The following TMEM132B variants were observed in gnomAD, a reference collection of about 807,000 sequenced individuals.
TMEM132B encodes the protein transmembrane protein 132B.
TMEM132B carries 18 observed loss-of-function variants against 90.8 expected under a neutral mutation model. That is an observed-to-expected ratio of 0.20 (90% CI 0.14 to 0.29). The LOEUF is 0.29. Ranked by LOEUF, TMEM132B falls within the 10% of genes least tolerant of loss-of-function variation. TMEM132B has a pLI of 1.00. For synonymous variants in TMEM132B, 504 were observed against 523.3 expected, an observed-to-expected ratio of 0.96 and a Z score of 0.50; for missense variants, 1,096 against 1,326.8, an observed-to-expected ratio of 0.83 and a Z score of 2.70.
At chr12:125,620,000 G>A (rs1011750164) in intron 5 of TMEM132B, among the ~76,000 whole-genome samples, 13 of 152,170 alleles carry the variant, frequency 8.5e-5, no homozygotes, top group African/African-American at 2.9e-4. Context: ...TGAGTAGGAG[G>A]TGCTGTCATT....
At chr12:125,301,986 G>A (rs1421142442) in intron 1 of TMEM132B, 1 of 152,248 alleles carries the variant, frequency 6.6e-6, no homozygotes, top group African/African-American at 2.4e-5. Flanking sequence ...TGGATCATGA[G>A]GTCAAAGAGT....
At chr12:125,350,829 A>C (rs916160261) in intron 2 of TMEM132B, among the ~76,000 whole-genome samples, 5 of 152,198 alleles carry the variant, frequency 3.3e-5, no homozygotes, top group African/African-American at 1.2e-4. Context: ...CTTTCTCATA[A>C]ATGCTGTAGG....
chr12:125,484,532 G>A (rs999626911), intron 3 of TMEM132B, among the ~76,000 whole-genome samples: 14 of 152,136 alleles, frequency 9.2e-5, no homozygotes, highest in African/African-American at 3.4e-4. Context: ...GACAGTATGA[G>A]CATATCATTG....
At chr12:125,432,274 C>A (rs1169900628) in intron 3 of TMEM132B, among the ~76,000 whole-genome samples, 1 of 149,284 alleles carries the variant, frequency 6.7e-6, no homozygotes, top group Non-Finnish European at 1.5e-5. Context: ...TGGAACATAA[C>A]CACTGTAATC....
intron 1 of TMEM132B, among the ~76,000 whole-genome samples, chr12:125,318,512 C>T (rs570556534): frequency 1.3e-5 from 2 of 152,216 alleles, no homozygotes; most frequent in African/African-American, 4.8e-5. Flanking sequence ...CGATGCTCTC[C>T]CTTCCCACCC....
chr12:125,593,879 A>G (rs533229234), intron 5 of TMEM132B, among the ~76,000 whole-genome samples: 1 of 152,330 alleles, frequency 6.6e-6, no homozygotes, highest in East Asian at 1.9e-4. Context: ...TGCCACCTCT[A>G]CTATTTTTCT....
chr12:125,414,225 AC>A (rs1879941971), intron 2 of TMEM132B, among the ~76,000 whole-genome samples: 5 of 152,206 alleles, frequency 3.3e-5, no homozygotes, highest in Admixed American at 3.3e-4. Context: ...TACTTTATAT[AC>A]GCTGAATGCT....
At chr12:125,497,427 T>A (rs1882590132) in intron 3 of TMEM132B, among the ~76,000 whole-genome samples, 1 of 152,220 alleles carries the variant, frequency 6.6e-6, no homozygotes, top group Admixed American at 6.5e-5. Context: ...TATGGGGGCT[T>A]TCCTGTCTAC....
intron 1 of TMEM132B, among the ~76,000 whole-genome samples, chr12:125,298,234 A>C (rs1875719218): frequency 1.3e-5 from 2 of 152,130 alleles, no homozygotes; most frequent in African/African-American, 4.8e-5. Context: ...TGGGAGACAG[A>C]GTGAGACCCT....
intron 5 of TMEM132B, among the ~76,000 whole-genome samples, chr12:125,608,851 C>A (rs539928717): frequency 1.4e-4 from 18 of 126,848 alleles, no homozygotes; most frequent in Admixed American, 1.3e-3. Flanking sequence ...TGCTGTGGCA[C>A]CTTTGAAAAA....
At chr12:125,328,855 A>G (rs1326901479) in intron 1 of TMEM132B, among the ~76,000 whole-genome samples, 6 of 151,950 alleles carry the variant, frequency 3.9e-5, no homozygotes, top group African/African-American at 1.5e-4. Flanking sequence ...GCTTTTCTTT[A>G]CTGGAATGGC....
At chr12:125,548,394 C>CT (rs148944219) in intron 4 of TMEM132B, among the ~76,000 whole-genome samples, 11,121 of 152,174 alleles carry the variant, frequency 0.073, 546 homozygotes, top group South Asian at 0.15. Context: ...CACAACTCTA[C>CT]TTTTTTTTAT....
At chr12:125,640,936 A>ACG (rs1399685965) in intron 5 of TMEM132B, among the ~76,000 whole-genome samples, 2 of 122,118 alleles carry the variant, frequency 1.6e-5, no homozygotes, top group African/African-American at 5.2e-5. Context: ...ATAGACACAC[A>ACG]CACACACACA....
chr12:125,592,210 G>A (rs1377163914), intron 5 of TMEM132B, among the ~76,000 whole-genome samples: 2 of 152,168 alleles, frequency 1.3e-5, no homozygotes, highest in African/African-American at 4.8e-5. Flanking sequence ...ATGGCTTCAT[G>A]TTTTCATGCA....
At position 125,459,358 on chromosome 12, in the gene TMEM132B, C is replaced by A. The variant is rs896977130; in HGVS notation, c.1106+43681C>A. On this transcript the variant is annotated intron_variant, in intron 3 of 8. Coordinates refer to ENST00000682704, the MANE Select transcript of TMEM132B (RefSeq NM_001366854.1). The surrounding 1 kb of genome is among the most constrained non-coding windows in gnomAD (Gnocchi z 4.1). ...GTCTAGGGTCTTGCTGACGAGGGCA[C>A]GTTTTCTAAAACTACCGAGAGAACT... is the stretch of plus-strand genomic sequence containing the variant. Among the ~76,000 whole-genome samples, 1 of 152,070 alleles carries A rather than the reference C, an allele frequency of 6.6e-6. No homozygotes were observed. Among genetic ancestry groups the A allele is most frequent in the Non-Finnish European group, 1.5e-5 (1 of 68,028 alleles).
At chr12:125,643,665 G>A (rs1210912465) in intron 5 of TMEM132B, among the ~76,000 whole-genome samples, 4 of 152,128 alleles carry the variant, frequency 2.6e-5, no homozygotes, top group African/African-American at 7.2e-5. Flanking sequence ...CTTGAATAAT[G>A]TGCTTTTTCA....
At chr12:125,259,324 C>G (rs373900952) in intron 1 of TMEM132B, among the ~76,000 whole-genome samples, 8 of 152,204 alleles carry the variant, frequency 5.3e-5, no homozygotes, top group Non-Finnish European at 8.8e-5. Context: ...CGATAAAATT[C>G]GTTGAATGAA....
At chr12:125,357,771 G>A (rs1415662234) in intron 2 of TMEM132B, among the ~76,000 whole-genome samples, 1 of 152,194 alleles carries the variant, frequency 6.6e-6, no homozygotes, top group African/African-American at 2.4e-5. Context: ...TCTCCCTCCA[G>A]GACTTGATGT....
At chr12:125,647,794 C>T (rs1395667031) in intron 6 of TMEM132B, among the ~76,000 whole-genome samples, 3 of 151,692 alleles carry the variant, frequency 2.0e-5, no homozygotes, top group Non-Finnish European at 4.4e-5. Context: ...CTTTCCTTCG[C>T]ATCAATTTTT....
Sources: allele counts gnomAD v4.1 joint callset (sites outside exome capture counted in the v4.1 genomes callset), GRCh38; gene constraint gnomAD v4.1.1; non-coding constraint Gnocchi (gnomAD v3.1); transcripts MANE v1.5; gene names NCBI Gene and HGNC (gene_info 2026-07-23, HGNC 2026-07-21).